The following ZNF761 variants were observed in gnomAD, a reference collection of about 807,000 sequenced individuals.
ZNF761 encodes zinc finger protein 761.
Under a neutral mutation model 59.9 loss-of-function variants are expected in ZNF761, and 43 were observed. The observed-to-expected ratio is 0.72, with a 90% CI of 0.56 to 0.92. ZNF761 has a LOEUF of 0.92. Ranked by LOEUF, ZNF761 falls within the 40% of genes least tolerant of loss-of-function variation. ZNF761 has a pLI of 0.00. For synonymous variants in ZNF761, 294 were observed against 304.8 expected (o/e 0.96, Z 0.37); for missense variants, 850 against 906.1 (o/e 0.94, Z 0.79).
chr19:53,434,642 T>C (rs1414376310), intron 1 of ZNF761, among the ~76,000 whole-genome samples: 3 of 152,206 alleles, frequency 2.0e-5, no homozygotes, highest in Non-Finnish European at 2.9e-5. Context: ...GTAAAAGCTT[T>C]TCCTTAGTGA....
At chr19:53,445,649 T>C (rs1437995414) in intron 1 of ZNF761, among the ~76,000 whole-genome samples, 1 of 152,040 alleles carries the variant, frequency 6.6e-6, no homozygotes, top group East Asian at 1.9e-4. Flanking sequence ...CAGCTGTAAT[T>C]AGAATTTTAA....
chr19:53,457,230 G>GA lies in ZNF761; in HGVS notation c.*483dup, dbSNP rs1183153638. The GA allele has an allele frequency of 1.5e-5, 7 of 475,950 alleles. No individual in the cohort carries two copies. The highest frequency in any genetic ancestry group is 2.5e-5 in the Non-Finnish European group (6 of 238,422). The allele number at this position is 475,950 out of a possible 1,614,324, so 29.5% of individuals were successfully genotyped here. ...GAATCACTGGAGAATCCATAAGGAA[G>GA]AGAGATCATACTAGGGTAATAAATG... is the stretch of plus-strand genomic sequence containing the variant. On this transcript the variant is annotated 3_prime_UTR_variant, in exon 5 of 5. Coordinates refer to ENST00000684525, the MANE Select transcript of ZNF761 (RefSeq NM_001289951.2).
intron 1 of ZNF761, chr19:53,444,934 A>C (rs2086140005): frequency 6.6e-6 from 1 of 150,618 alleles, no homozygotes; most frequent in Admixed American, 6.6e-5. Context: ...TTTCCCCAAC[A>C]TGGAACGCTG....
At chr19:53,434,377 T>G (rs187827016) in intron 1 of ZNF761, among the ~76,000 whole-genome samples, 2 of 152,322 alleles carry the variant, frequency 1.3e-5, no homozygotes, top group African/African-American at 2.4e-5. Context: ...TCTAATTGTT[T>G]CAAGTACACT....
chr19:53,436,826 A>T (rs1208595720), intron 1 of ZNF761, among the ~76,000 whole-genome samples: 1 of 152,154 alleles, frequency 6.6e-6, no homozygotes, highest in Non-Finnish European at 1.5e-5. Context: ...AAAAGGTGCA[A>T]ATAAGCAATA....
intron 1 of ZNF761, among the ~76,000 whole-genome samples, chr19:53,435,086 G>A (rs1292837454): frequency 3.3e-5 from 5 of 151,954 alleles, no homozygotes. Context: ...TTACAGGTTG[G>A]ACAAGCATCA....
In ZNF761 at chr19:53,456,561, C is replaced by T. The variant is rs1224834255; in HGVS notation, c.2054C>T (p.Thr685Ile). 2.5e-6 allele frequency: 4 copies of T among 1,611,946 alleles called. No homozygotes were observed. Among genetic ancestry groups the T allele is most frequent in the African/African-American group, 1.3e-5 (1 of 74,808 alleles). The change falls in exon 5 of 5, where the codon ACT becomes ATT. Residue 685 changes from threonine to isoleucine, a missense_variant. Physicochemically the swap from Thr to Ile is moderately conservative, Grantham distance 89. Coordinates refer to ENST00000684525, the MANE Select transcript of ZNF761 (RefSeq NM_001289951.2). ...SYFICHHRLH[T>I]GEKPYKCNEC... is the part of the protein sequence containing the mutation. Reference sequence around the variant, plus strand: ...TTTATATGCCATCATAGACTTCATACTGGAGAGAAACCTTATAAGTGTAAT... The same window carrying T: ...TTTATATGCCATCATAGACTTCATATTGGAGAGAAACCTTATAAGTGTAAT...
At chr19:53,441,937 G>A (rs2086105457) in intron 1 of ZNF761, 2 of 1,512,548 alleles carry the variant, frequency 1.3e-6, no homozygotes, top group African/African-American at 2.8e-5. Context: ...ATGATGCAGA[G>A]GAGTGAGCTG....
chr19:53,452,075 G>A (rs754148393), intron 4 of ZNF761, among the ~76,000 whole-genome samples: 32 of 152,104 alleles, frequency 2.1e-4, no homozygotes, highest in African/African-American at 2.9e-4. Flanking sequence ...CTGGCCACCC[G>A]AGGTGGCTCA....
chr19:53,432,095 T>G (rs1434430292), intron 1 of ZNF761, 67 bp downstream of exon 1: 1 of 152,316 alleles, frequency 6.6e-6, no homozygotes, highest in Non-Finnish European at 1.5e-5. Context: ...TACCTGGGAC[T>G]TGGGATCCCC....
intron 1 of ZNF761, among the ~76,000 whole-genome samples, chr19:53,441,203 A>G (rs1424426778): frequency 1.3e-5 from 2 of 152,032 alleles, no homozygotes; most frequent in African/African-American, 4.8e-5. Flanking sequence ...AATCACTTAA[A>G]CTTGGGAGGT....
intron 1 of ZNF761, among the ~76,000 whole-genome samples, chr19:53,439,322 T>C (rs1246398904): frequency 6.6e-6 from 1 of 151,904 alleles, no homozygotes. Context: ...GTTGTTGTTT[T>C]TGAGATGGAG....
In ZNF761 at chr19:53,438,860, C is replaced by T. The variant is rs75264240; in HGVS notation, c.-185+6832C>T. ...GAGATGGAGGAGATCCTGGGTTCCC[C>T]GATAACACTCCTCTCAGGTTGGGGC... On this transcript the variant is annotated intron_variant, in intron 1 of 4. Transcript: ENST00000684525. Among the ~76,000 whole-genome samples, 62 of 152,220 alleles carry T rather than the reference C, an allele frequency of 4.1e-4. 1 individual carries two copies. The East Asian group carries it at 8.3e-3, about 20-fold the overall frequency.
At position 53,454,735 on chromosome 19, in the gene ZNF761, A is replaced by T; in HGVS notation, c.228A>T (p.Ile76=). ...REVFHAGTLQ[I]HESHHNGDFC... The stretch of plus-strand genomic sequence containing the variant: ...TGTTCCATGCAGGGACATTGCAAAT[A>T]CATGAAAGTCATCACAATGGAGATT... Residue 76 remains isoleucine (I), a synonymous_variant, in exon 5 of 5, where the codon ATA becomes ATT. Coordinates refer to ENST00000684525, the MANE Select transcript of ZNF761 (RefSeq NM_001289951.2). 1 of 1,614,192 alleles carries T rather than the reference A, an allele frequency of 6.2e-7. No homozygotes were observed. The highest frequency in any genetic ancestry group is 8.5e-7 in the Non-Finnish European group (1 of 1,180,034).
intron 4 of ZNF761, among the ~76,000 whole-genome samples, chr19:53,453,977 A>G (rs757671081): frequency 4.6e-5 from 7 of 151,892 alleles, no homozygotes; most frequent in Non-Finnish European, 1.0e-4. Flanking sequence ...CATTGTATTA[A>G]CTTTTTTTTT....
At chr19:53,454,377 A>C (rs2086245254) in intron 4 of ZNF761, among the ~76,000 whole-genome samples, 1 of 152,212 alleles carries the variant, frequency 6.6e-6, no homozygotes, top group Non-Finnish European at 1.5e-5. Flanking sequence ...TTAGGGTCAC[A>C]ATGGAAAAAT....
intron 1 of ZNF761, among the ~76,000 whole-genome samples, chr19:53,440,274 A>G (rs2086085333): frequency 6.6e-6 from 1 of 152,192 alleles, no homozygotes; most frequent in African/African-American, 2.4e-5. Flanking sequence ...GGCTGCTGTC[A>G]GCTGAGATCA....
At chr19:53,445,564 G>C (rs1462883753) in intron 1 of ZNF761, among the ~76,000 whole-genome samples, 2 of 152,070 alleles carry the variant, frequency 1.3e-5, no homozygotes, top group Admixed American at 6.6e-5. Flanking sequence ...CAACCCGAGT[G>C]ACCCAGTCCC....
At chr19:53,442,101 C>T (rs952112432) in intron 1 of ZNF761, 36 of 1,010,916 alleles carry the variant, frequency 3.6e-5, no homozygotes, top group Non-Finnish European at 4.3e-5. Flanking sequence ...CTGGAAGAAG[C>T]GGGAAAAGCT....
Sources: gnomAD v4.1 joint callset for allele counts (sites outside exome capture counted in the v4.1 genomes callset) on GRCh38, gnomAD v4.1.1 for gene constraint, MANE v1.5 for transcripts, NCBI Gene and HGNC (gene_info 2026-07-23, HGNC 2026-07-21) for gene names.